Variants in CNOT3 observed in about 807,000 individuals in gnomAD.
CNOT3 encodes CCR4-associated factor 3.
Under a neutral mutation model 89.4 loss-of-function variants are expected in CNOT3, and 2 were observed. The observed-to-expected ratio is 0.02, with a 90% CI of 0.01 to 0.07. The LOEUF (loss-of-function observed/expected upper bound fraction) is 0.07, where lower values mean the gene tolerates loss of function less well. CNOT3 is among the 10% of genes least tolerant of loss of function. CNOT3 has a pLI of 1.00. For missense variants in CNOT3, 664 were observed against 1,010.2 expected (o/e 0.66, Z 4.65); for synonymous variants, 486 against 402.0 (o/e 1.21, Z -2.50).
At chr19:54,155,232 C>A in intron 17 of CNOT3, 77 bp from the exon 18 acceptor site, 2 of 1,570,762 alleles carry the variant, frequency 1.3e-6, no homozygotes, top group Non-Finnish European at 1.7e-6. Flanking sequence ...TAAGAATTGT[C>A]CCCTTTGTCT....
chr19:54,152,856 T>C lies in CNOT3; in HGVS notation c.1905-11T>C. 7.4e-7 allele frequency: 1 copy of C among 1,345,300 alleles called. No homozygotes were observed. Among genetic ancestry groups the C allele is most frequent in the Non-Finnish European group, 1.0e-6 (1 of 960,498 alleles). The allele number at this position is 1,345,300 out of a possible 1,614,324, so 83.3% of individuals were successfully genotyped here. ...AGGCAGCTGGCACTGACCTTCCTGTTGCTCTCACAGGCAGTACCTCCCCCG... is the reference window on the plus strand; with the variant it reads ...AGGCAGCTGGCACTGACCTTCCTGTCGCTCTCACAGGCAGTACCTCCCCCG... On this transcript the variant is annotated splice_polypyrimidine_tract_variant and intron_variant, in intron 15 of 17. Coordinates refer to ENST00000221232, the MANE Select transcript of CNOT3 (RefSeq NM_014516.4).
chr19:54,152,017 G>A (rs1294399062), intron 13 of CNOT3, among the ~76,000 whole-genome samples: 3 of 152,242 alleles, frequency 2.0e-5, no homozygotes, highest in African/African-American at 7.2e-5. Flanking sequence ...CCACTCACGA[G>A]ACGTTCCTCT....
In CNOT3 at chr19:54,152,875, T is replaced by TC; in HGVS notation, c.1918dup (p.Arg640ProfsTer43). ...TCCTGTTGCTCTCACAGGCAGTACC[T>TC]CCCCCGGAACCCCTGTCCGACGCCC... On this transcript the variant is annotated frameshift_variant, in exon 16 of 18. Coordinates refer to ENST00000221232, the MANE Select transcript of CNOT3 (RefSeq NM_014516.4). LOFTEE classifies it high-confidence loss of function. 2 of 1,429,130 alleles carry TC rather than the reference T, an allele frequency of 1.4e-6. No homozygotes were observed. Among genetic ancestry groups the TC allele is most frequent in the Non-Finnish European group, 1.9e-6 (2 of 1,033,504 alleles). The allele number at this position is 1,429,130 out of a possible 1,614,324, so 88.5% of individuals were successfully genotyped here.
In CNOT3 at chr19:54,145,391, C is replaced by T. The variant is rs1241529979; in HGVS notation, c.484-207C>T. 6.6e-6 allele frequency among the ~76,000 whole-genome samples: 1 copy of T among 152,122 alleles called. No individual in the cohort carries two copies. The highest frequency in any genetic ancestry group is 6.5e-5 in the Admixed American group (1 of 15,270). The stretch of plus-strand genomic sequence containing the variant: ...AGAAAGGTGTGGGGAGAGGAGGGAG[C>T]AGTGGGATCCCAAGATGTCAAGGCT... On this transcript the variant is annotated intron_variant, in intron 7 of 17. Transcript: ENST00000221232. The surrounding 1 kb of genome is among the most constrained non-coding windows in gnomAD (Gnocchi z 5.9).
At chr19:54,140,154 C>T (rs1241280135) in intron 1 of CNOT3, among the ~76,000 whole-genome samples, 2 of 152,184 alleles carry the variant, frequency 1.3e-5, no homozygotes, top group African/African-American at 4.8e-5. Flanking sequence ...GTGGTATCAT[C>T]TTCCCTGAGA....
Position 54,153,015 on chromosome 19 carries a change from C to A in CNOT3, c.2037+16C>A. The A allele has an allele frequency of 6.3e-7, 1 of 1,596,328 alleles. No individual in the cohort carries two copies. Among genetic ancestry groups the A allele is most frequent in the Non-Finnish European group, 8.6e-7 (1 of 1,167,214 alleles). On this transcript the variant is annotated intron_variant, in intron 16 of 17. Coordinates refer to ENST00000221232, the MANE Select transcript of CNOT3 (RefSeq NM_014516.4). Reference sequence around the variant, plus strand: ...CTATCTGGAGGTACAGCAGGGCCCCCGGGGCAGCCTCGGGCCCCCCGGCTT... The same window carrying A: ...CTATCTGGAGGTACAGCAGGGCCCCAGGGGCAGCCTCGGGCCCCCCGGCTT...
In CNOT3 at chr19:54,148,407, C is replaced by T. The variant is rs746475797; in HGVS notation, c.1154C>T (p.Thr385Met). 63 of 1,562,426 alleles carry T rather than the reference C, an allele frequency of 4.0e-5. No individual in the cohort carries two copies. The Admixed American group carries it at 1.1e-3, about 26-fold the overall frequency. ...VAPPAPSGPS[T>M]TQPRPPSVQP... ...CCACCAGCTCCCAGTGGGCCCAGCA[C>T]GACCCAGCCCCGGCCCCCCAGCGTC... The change falls in exon 11 of 18, where the codon ACG becomes ATG. Residue 385 changes from threonine to methionine, a missense_variant. Transcript: ENST00000221232. The surrounding 1 kb of genome is among the most constrained non-coding windows in gnomAD (Gnocchi z 6.3).
chr19:54,139,130 C>T (rs1283989075), intron 1 of CNOT3, among the ~76,000 whole-genome samples: 2 of 152,190 alleles, frequency 1.3e-5, no homozygotes, highest in Non-Finnish European at 2.9e-5. Flanking sequence ...TCTGAGCAGT[C>T]CCTGCCTCTC....
At position 54,152,281 on chromosome 19, in the gene CNOT3, C is replaced by T. The variant is rs750762154; in HGVS notation, c.1661C>T (p.Ser554Phe). ...KSMAERAAISSGIEDPVPTLH... is the reference protein window; with the variant it reads ...KSMAERAAISFGIEDPVPTLH... ...ATGGCGGAACGGGCAGCCATCAGCTCTGGCATTGAGGACCCTGTGCCAACG... is the reference window on the plus strand; with the variant it reads ...ATGGCGGAACGGGCAGCCATCAGCTTTGGCATTGAGGACCCTGTGCCAACG... The change falls in exon 14 of 18, where the codon TCT (serine) becomes TTT (phenylalanine). Residue 554 changes from serine to phenylalanine, a missense_variant. By Grantham distance (155) the Ser-to-Phe change is radical. Coordinates refer to ENST00000221232, the MANE Select transcript of CNOT3 (RefSeq NM_014516.4). The T allele has an allele frequency of 6.2e-7, 1 of 1,614,088 alleles. No individual in the cohort carries two copies. The highest frequency in any genetic ancestry group is 1.3e-5 in the African/African-American group (1 of 74,938).
chr19:54,142,663 G>A (rs1451621744), intron 1 of CNOT3: 3 of 561,252 alleles, frequency 5.3e-6, no homozygotes, highest in Non-Finnish European at 9.6e-6. Context: ...CATGCTCTAG[G>A]AATTTTCCAC....
chr19:54,145,865 G>C lies in CNOT3; in HGVS notation c.704-45G>C. Reference sequence around the variant, plus strand: ...GGCACAGGAAGTGAGGGCCCAGAATGGGCTGTGTGAGCCAGCTAAGCATGC... The same window carrying C: ...GGCACAGGAAGTGAGGGCCCAGAATCGGCTGTGTGAGCCAGCTAAGCATGC... On this transcript the variant is annotated intron_variant, in intron 8 of 17. Transcript: ENST00000221232. The surrounding 1 kb of genome is among the most constrained non-coding windows in gnomAD (Gnocchi z 5.9). 1.9e-6 allele frequency: 3 copies of C among 1,610,944 alleles called. No individual in the cohort carries two copies. The highest frequency in any genetic ancestry group is 8.5e-7 in the Non-Finnish European group (1 of 1,177,886).
Position 54,143,042 on chromosome 19 carries a change from C to T in CNOT3, c.25+39C>T, listed in dbSNP as rs979123921. 5 of 1,613,416 alleles carry T rather than the reference C, an allele frequency of 3.1e-6. No individual in the cohort carries two copies. The African/African-American group carries it at 5.3e-5, about 17-fold the overall frequency. On this transcript the variant is annotated intron_variant, in intron 2 of 17. Coordinates refer to ENST00000221232, the MANE Select transcript of CNOT3 (RefSeq NM_014516.4). ...TTCCTGCTGCACCTGTAGCCACATG[C>T]TCCCTCTTCTGAGGACTGCTCTTTA...
chr19:54,145,914 G>A lies in CNOT3; in HGVS notation c.708G>A (p.Gln236=), dbSNP rs2074647135. The A allele has an allele frequency of 6.2e-7, 1 of 1,613,354 alleles. No individual in the cohort carries two copies. The highest frequency in any genetic ancestry group is 8.5e-7 in the Non-Finnish European group (1 of 1,179,896). ...GCCCTTCTTCTGCCCCCACAGCACA[G>A]GCGCTGGTCGCCACCTCCCCCCCCA... The part of the protein sequence containing the change: ...YDDLDLEDIP[Q]ALVATSPPSH... The change falls in exon 9 of 18, where the codon CAG becomes CAA. Residue 236 remains glutamine (Q), a synonymous_variant. Transcript: ENST00000221232. This position sits in a 1 kb window ranked among gnomAD's most constrained non-coding sequence, Gnocchi z 5.9.
intron 16 of CNOT3, chr19:54,153,383 TC>T: frequency 1.3e-6 from 1 of 766,056 alleles, no homozygotes. Flanking sequence ...TCCAGCCCCC[TC>T]CCAACCCCAG....
Position 54,148,729 on chromosome 19 carries a change from A to G in CNOT3, c.1392A>G (p.Pro464=), listed in dbSNP as rs2074849809. ...GCCCCCCTTCCGGCCCCCACAACCC[A>G]CCTCCCAGCACCTCGTGAGTGTCTC... ...ALGPPSGPHN[P]PPSTSKEPSA... Residue 464 remains proline, a synonymous_variant, in exon 12 of 18, where the codon CCA becomes CCG. Transcript: ENST00000221232. The surrounding 1 kb of genome is among the most constrained non-coding windows in gnomAD (Gnocchi z 6.3). 1 of 1,610,724 alleles carries G rather than the reference A, an allele frequency of 6.2e-7. No individual in the cohort carries two copies. Among genetic ancestry groups the G allele is most frequent in the Admixed American group, 1.7e-5 (1 of 59,810 alleles).
chr19:54,148,821 C>G lies in CNOT3; in HGVS notation c.1406+78C>G. The G allele has an allele frequency of 2.1e-6, 3 of 1,450,610 alleles. No individual in the cohort carries two copies. Among genetic ancestry groups the G allele is most frequent in the Non-Finnish European group, 1.9e-6 (2 of 1,067,200 alleles). The allele number at this position is 1,450,610 out of a possible 1,614,324, so 89.9% of individuals were successfully genotyped here. Reference sequence around the variant, plus strand: ...AGGCGCAGGCGCCTCACCCCCGCATCGGTGGGTTCTGAACCCCCCGCCCTT... The same window carrying G: ...AGGCGCAGGCGCCTCACCCCCGCATGGGTGGGTTCTGAACCCCCCGCCCTT... On this transcript the variant is annotated intron_variant, in intron 12 of 17. Transcript: ENST00000221232. This position sits in a 1 kb window ranked among gnomAD's most constrained non-coding sequence, Gnocchi z 6.3.
chr19:54,143,109 C>T lies in CNOT3; in HGVS notation c.26-10C>T, dbSNP rs764259832. On this transcript the variant is annotated splice_polypyrimidine_tract_variant and intron_variant, in intron 2 of 17. Transcript: ENST00000221232. ...GCAGGATTCTCACAGCCTTGTTCCT[C>T]CCTGGCCAGGTGAGATTGATCGCTG... 2 of 1,613,826 alleles carry T rather than the reference C, an allele frequency of 1.2e-6. No individual in the cohort carries two copies. Among genetic ancestry groups the T allele is most frequent in the Admixed American group, 3.3e-5 (2 of 60,014 alleles).
At chr19:54,153,058 T>TC (rs764933713) in intron 16 of CNOT3, 59 bp downstream of exon 16, 96 of 1,544,836 alleles carry the variant, frequency 6.2e-5, no homozygotes, top group Middle Eastern at 1.7e-4. Context: ...ACCGCCGCCG[T>TC]CCCCCCTCGG....
rs1368057915 is a variant in CNOT3 at position 54,153,013 on chromosome 19, C to G, written c.2037+14C>G. The stretch of plus-strand genomic sequence containing the variant: ...TACTATCTGGAGGTACAGCAGGGCC[C>G]CCGGGGCAGCCTCGGGCCCCCCGGC... On this transcript the variant is annotated intron_variant, in intron 16 of 17. Coordinates refer to ENST00000221232, the MANE Select transcript of CNOT3 (RefSeq NM_014516.4). 3 of 1,598,142 alleles carry G rather than the reference C, an allele frequency of 1.9e-6. No individual in the cohort carries two copies. Among genetic ancestry groups the G allele is most frequent in the Non-Finnish European group, 2.6e-6 (3 of 1,168,770 alleles).
Sources: allele counts gnomAD v4.1 joint callset (sites outside exome capture counted in the v4.1 genomes callset), GRCh38; gene constraint gnomAD v4.1.1; non-coding constraint Gnocchi (gnomAD v3.1); transcripts MANE v1.5; gene names NCBI Gene and HGNC (gene_info 2026-07-23, HGNC 2026-07-21).